The following EFCAB6 variants were observed in gnomAD, a reference collection of about 807,000 sequenced individuals.
EFCAB6 encodes the protein EF-hand calcium binding domain 6, also known as EF-hand calcium-binding domain-containing protein 6.
A neutral mutation model predicts 169.8 loss-of-function variants in EFCAB6; 156 were observed. The observed-to-expected ratio is 0.92, with a 90% CI of 0.81 to 1.05. EFCAB6 has a LOEUF of 1.05. Among genes scored for constraint, EFCAB6 ranks in the 50% least tolerant of loss-of-function variants. The pLI is 0.00. For synonymous variants in EFCAB6, 698 were observed against 676.4 expected (o/e 1.03, Z -0.50); for missense variants, 1,800 against 1,829.1 (o/e 0.98, Z 0.29).
At chr22:43,777,975 A>G (rs2061693294) in intron 3 of EFCAB6, among the ~76,000 whole-genome samples, 1 of 152,234 alleles carries the variant, frequency 6.6e-6, no homozygotes, top group African/African-American at 2.4e-5. Flanking sequence ...AAGTCACAAC[A>G]GACTGTCACT....
intron 13 of EFCAB6, among the ~76,000 whole-genome samples, chr22:43,677,589 T>A (rs2057817551): frequency 6.6e-6 from 1 of 151,992 alleles, no homozygotes; most frequent in Non-Finnish European, 1.5e-5. Flanking sequence ...GAGGCTGCAG[T>A]GAGCCGAGAT....
intron 8 of EFCAB6, among the ~76,000 whole-genome samples, chr22:43,722,895 C>A (rs962645875): frequency 6.6e-6 from 1 of 152,128 alleles, no homozygotes; most frequent in African/African-American, 2.4e-5. Flanking sequence ...AAAATCAAGT[C>A]ATTTGCAGCA....
In EFCAB6 at chr22:43,794,271, T is replaced by C. The variant is rs189773542; in HGVS notation, c.-7-11946A>G. Among the ~76,000 whole-genome samples, 644 of 152,318 alleles carry C rather than the reference T, an allele frequency of 4.2e-3. 2 individuals carry two copies. Among genetic ancestry groups the C allele is most frequent in the Middle Eastern group, 0.031 (9 of 294 alleles). ...TCCTTCAACTAGCAATAACCGAGCA[T>C]CTATTTTGCTGGGCACTGGGTGTTA... On this transcript the variant is annotated intron_variant, in intron 2 of 31. Transcript: ENST00000262726.
At chr22:43,801,083 A>G (rs1329319714) in intron 2 of EFCAB6, among the ~76,000 whole-genome samples, 1 of 151,776 alleles carries the variant, frequency 6.6e-6, no homozygotes, top group Non-Finnish European at 1.5e-5. Flanking sequence ...CGGCAAGAGG[A>G]AAAAAAACAA....
chr22:43,573,462 G>A (rs1311367548), intron 26 of EFCAB6, among the ~76,000 whole-genome samples: 1 of 54 alleles, frequency 0.019, no homozygotes, highest in Non-Finnish European at 0.056. Flanking sequence ...GCTGGGCACG[G>A]TGGCTTATGC....
intron 1 of EFCAB6, among the ~76,000 whole-genome samples, chr22:43,811,830 T>C (rs2063141347): frequency 6.6e-6 from 1 of 151,974 alleles, no homozygotes; most frequent in Non-Finnish European, 1.5e-5. Context: ...CTGGAGAGAT[T>C]TAGGGCGTTT....
chr22:43,554,761 A>C, intron 27 of EFCAB6, 108 bp downstream of exon 27: 2 of 940,416 alleles, frequency 2.1e-6, no homozygotes, highest in Non-Finnish European at 3.3e-6. Flanking sequence ...CAAAACTGCA[A>C]GCATTTTAAA....
chr22:43,801,493 G>A (rs1381564399), intron 2 of EFCAB6, among the ~76,000 whole-genome samples: 1 of 152,108 alleles, frequency 6.6e-6, no homozygotes, highest in East Asian at 1.9e-4. Context: ...GCCCAAAAGA[G>A]AAATCTCTTA....
intron 27 of EFCAB6, chr22:43,552,952 G>A (rs1368626198): frequency 6.6e-6 from 1 of 152,158 alleles, no homozygotes; most frequent in African/African-American, 2.4e-5. Flanking sequence ...GTGCAATGGG[G>A]CAGGATCATT....
At chr22:43,574,006 C>T (rs569827420) in intron 26 of EFCAB6, among the ~76,000 whole-genome samples, 2 of 152,112 alleles carry the variant, frequency 1.3e-5, no homozygotes, top group East Asian at 3.9e-4. Context: ...CTTTTAAGAT[C>T]AATAAAACGA....
chr22:43,656,986 T>C (rs2056779834), intron 17 of EFCAB6, among the ~76,000 whole-genome samples: 1 of 152,234 alleles, frequency 6.6e-6, no homozygotes, highest in African/African-American at 2.4e-5. Flanking sequence ...CCAGTGTTTA[T>C]GAGACATTTC....
At chr22:43,609,154 T>G (rs531785531) in intron 21 of EFCAB6, among the ~76,000 whole-genome samples, 1 of 152,342 alleles carries the variant, frequency 6.6e-6, no homozygotes, top group African/African-American at 2.4e-5. Flanking sequence ...GCTCATTTAA[T>G]CTTCTTCATA....
rs148729791 is a variant in EFCAB6, at chr22:43,779,644, G to C, written c.139+2536C>G. Among the ~76,000 whole-genome samples, 203 of 152,248 alleles carry C rather than the reference G, an allele frequency of 1.3e-3. 6 individuals carry two copies. The East Asian group carries it at 0.035, about 27-fold the overall frequency. On this transcript the variant is annotated intron_variant, in intron 3 of 31. Transcript: ENST00000262726. ...AGTCCCAGCTACTCAGGAGGCTGAGGCAGGAGAATCGCTTGAACCCAGGAG... is the reference window on the plus strand; with the variant it reads ...AGTCCCAGCTACTCAGGAGGCTGAGCCAGGAGAATCGCTTGAACCCAGGAG...
chr22:43,744,800 C>T lies in EFCAB6; in HGVS notation c.508-8807G>A, dbSNP rs1299695217. Among the ~76,000 whole-genome samples the T allele has an allele frequency of 1.3e-5, 2 of 152,166 alleles. No homozygotes were observed. Among genetic ancestry groups the T allele is most frequent in the African/African-American group, 4.8e-5 (2 of 41,448 alleles). On this transcript the variant is annotated intron_variant, in intron 6 of 31. Transcript: ENST00000262726. This position sits in a 1 kb window ranked among gnomAD's most constrained non-coding sequence, Gnocchi z 4.3. ...CATGCTCTCCTTCCCCAGCCCTCAT[C>T]ACAGACCCCATGATCTGGGGGAGAG...
rs774221940 is a variant in EFCAB6, at chr22:43,708,950, G to A, written c.1031+2525C>T. 2.0e-5 allele frequency among the ~76,000 whole-genome samples: 3 copies of A among 152,094 alleles called. No individual in the cohort carries two copies. In the South Asian group the frequency reaches 6.2e-4, roughly 32 times the overall value. On this transcript the variant is annotated intron_variant, in intron 10 of 31. Transcript: ENST00000262726. ...AGACTCAGAAATCCCTAGGTCCCTC[G>A]CTAGAACAAGTTATAAGAACACCTC...
chr22:43,655,785 A>G (rs2056709466), intron 17 of EFCAB6, among the ~76,000 whole-genome samples: 1 of 152,166 alleles, frequency 6.6e-6, no homozygotes, highest in South Asian at 2.1e-4. Flanking sequence ...TTTGAAAGCA[A>G]AAGGATAGAA....
intron 24 of EFCAB6, among the ~76,000 whole-genome samples, chr22:43,588,378 G>C (rs922104770): frequency 6.6e-6 from 1 of 152,142 alleles, no homozygotes; most frequent in Non-Finnish European, 1.5e-5. Context: ...AGAGAAATGA[G>C]ATAGCGCATC....
chr22:43,560,687 G>A (rs571464869), intron 26 of EFCAB6, among the ~76,000 whole-genome samples: 10 of 152,312 alleles, frequency 6.6e-5, no homozygotes, highest in South Asian at 2.1e-4. Flanking sequence ...AAAACCCAGC[G>A]TGGGAGGTAA....
intron 6 of EFCAB6, among the ~76,000 whole-genome samples, chr22:43,754,366 G>A (rs571686150): frequency 6.6e-6 from 1 of 152,270 alleles, no homozygotes; most frequent in African/African-American, 2.4e-5. Context: ...AGGTCTGCCC[G>A]GGTCCCGGGG....
Sources: allele counts gnomAD v4.1 joint callset (sites outside exome capture counted in the v4.1 genomes callset), GRCh38; gene constraint gnomAD v4.1.1; non-coding constraint Gnocchi (gnomAD v3.1); transcripts MANE v1.5; gene names NCBI Gene and HGNC (gene_info 2026-07-23, HGNC 2026-07-21).